BBS9: variants seen among roughly 807,000 people sequenced by gnomAD.
BBS9 encodes the protein Bardet-Biedl syndrome 9.
A neutral mutation model predicts 117.7 loss-of-function variants in BBS9; 89 were observed. The observed-to-expected ratio is 0.76, with a 90% CI of 0.64 to 0.90. BBS9 has a LOEUF of 0.90. Among genes scored for constraint, BBS9 ranks in the 40% least tolerant of loss-of-function variants. BBS9 has a pLI of 0.00. For missense variants in BBS9, 982 were observed against 1,042.2 expected, an observed-to-expected ratio of 0.94 and a Z score of 0.80; for synonymous variants, 379 against 370.9, an observed-to-expected ratio of 1.02 and a Z score of -0.25.
Position 33,273,973 on chromosome 7 carries a change from AAC to A in BBS9, c.1016+21_1016+22del. The A allele has an allele frequency of 6.2e-7, 1 of 1,613,226 alleles. No homozygotes were observed. Among genetic ancestry groups the A allele is most frequent in the Non-Finnish European group, 8.5e-7 (1 of 1,179,378 alleles). ...CTGTTTGCAGTAAGTGATTTAATTTAACACAGTTTTTAAAGAGGATGTTAGTC... is the reference window on the plus strand; with the variant it reads ...CTGTTTGCAGTAAGTGATTTAATTTAACAGTTTTTAAAGAGGATGTTAGTC... On this transcript the variant is annotated intron_variant, in intron 9 of 22. Coordinates refer to ENST00000242067, the MANE Select transcript of BBS9 (RefSeq NM_198428.3).
At chr7:33,280,867 A>G (rs935150841) in intron 9 of BBS9, among the ~76,000 whole-genome samples, 3 of 72,320 alleles carry the variant, frequency 4.1e-5, no homozygotes, top group South Asian at 7.8e-4. Flanking sequence ...CCAAAGTGAC[A>G]TTTTCTTTTT....
At chr7:33,347,893 G>A (rs906216289) in intron 12 of BBS9, among the ~76,000 whole-genome samples, 5 of 151,826 alleles carry the variant, frequency 3.3e-5, no homozygotes, top group South Asian at 2.1e-4. Flanking sequence ...CTGAACTGCC[G>A]TATAGAAAAG....
intron 21 of BBS9, among the ~76,000 whole-genome samples, chr7:33,571,780 A>G (rs1181999616): frequency 6.6e-6 from 1 of 152,060 alleles, no homozygotes; most frequent in Non-Finnish European, 1.5e-5. Context: ...CTCTTTTTCA[A>G]TATAAATGTT....
chr7:33,349,224 A>T (rs754451024), intron 13 of BBS9, 54 bp downstream of exon 13: 8 of 1,281,004 alleles, frequency 6.2e-6, no homozygotes, highest in Non-Finnish European at 9.1e-6. Flanking sequence ...TTTTAAAAAT[A>T]CTAGTTTGTT....
At position 33,184,571 on chromosome 7, in the gene BBS9, C is replaced by G. The variant is rs559063932; in HGVS notation, c.442+6980C>G. Reference sequence around the variant, plus strand: ...CTTTTTATTAAGAGGGTCATTTAACCCATTCTGTCTTAGGAGAGACTTTAA... The same window carrying G: ...CTTTTTATTAAGAGGGTCATTTAACGCATTCTGTCTTAGGAGAGACTTTAA... On this transcript the variant is annotated intron_variant, in intron 5 of 22. Coordinates refer to ENST00000242067, the MANE Select transcript of BBS9 (RefSeq NM_198428.3). Among the ~76,000 whole-genome samples, 5 of 152,228 alleles carry G rather than the reference C, an allele frequency of 3.3e-5. No homozygotes were observed. The East Asian group carries it at 5.8e-4, about 18-fold the overall frequency.
chr7:33,565,808 T>C (rs1318890604), intron 21 of BBS9, among the ~76,000 whole-genome samples: 2 of 45,522 alleles, frequency 4.4e-5, no homozygotes, highest in African/African-American at 2.1e-4. Context: ...TATATATATA[T>C]ATATATATAT....
At chr7:33,553,476 A>T (rs139721535) in intron 21 of BBS9, among the ~76,000 whole-genome samples, 6 of 152,010 alleles carry the variant, frequency 3.9e-5, no homozygotes, top group African/African-American at 1.4e-4. Flanking sequence ...TCTCCCTCCC[A>T]TTTCTAATCT....
intron 5 of BBS9, among the ~76,000 whole-genome samples, chr7:33,254,071 T>G (rs1293473808): frequency 6.6e-6 from 1 of 152,222 alleles, no homozygotes; most frequent in African/African-American, 2.4e-5. Flanking sequence ...TTGAGATATA[T>G]AGGGCTCATA....
intron 20 of BBS9, among the ~76,000 whole-genome samples, chr7:33,528,982 C>T (rs1400008166): frequency 6.6e-6 from 1 of 152,176 alleles, no homozygotes; most frequent in Non-Finnish European, 1.5e-5. Context: ...GCCTATTGAC[C>T]AGTGGAGACT....
At position 33,228,644 on chromosome 7, in the gene BBS9, A is replaced by G. The variant is rs138052141; in HGVS notation, c.443-28592A>G. On this transcript the variant is annotated intron_variant, in intron 5 of 22. Transcript: ENST00000242067. ...TTGATTAACACATATTTTCTATGTT[A>G]TTTGTGTTTTATATGGTATTCTTAC... is the stretch of plus-strand genomic sequence containing the variant. 3.5e-3 allele frequency among the ~76,000 whole-genome samples: 533 copies of G among 152,244 alleles called. 5 individuals are homozygous for G. Among genetic ancestry groups the G allele is most frequent in the African/African-American group, 0.012 (504 of 41,548 alleles).
chr7:33,257,142 G>A (rs1797201410), intron 5 of BBS9, 94 bp from the exon 6 acceptor site: 4 of 807,558 alleles, frequency 5.0e-6, no homozygotes, highest in South Asian at 2.2e-5. Context: ...TGTAAAATTG[G>A]TGCCTAAGAC....
rs1403557632 is a variant in BBS9 at position 33,413,107 on chromosome 7, A to G, written c.2115+24963A>G. 2.0e-5 allele frequency among the ~76,000 whole-genome samples: 3 copies of G among 152,346 alleles called. No homozygotes were observed. The East Asian group carries it at 5.8e-4, about 29-fold the overall frequency. ...AACACTGGGTAATGAGTTAGATGGT[A>G]GTTCTGATAGCCTTCAATCAAGAAC... On this transcript the variant is annotated intron_variant, in intron 19 of 22. Coordinates refer to ENST00000242067, the MANE Select transcript of BBS9 (RefSeq NM_198428.3).
chr7:33,154,198 T>C (rs1793765130), intron 3 of BBS9, among the ~76,000 whole-genome samples: 1 of 152,242 alleles, frequency 6.6e-6, no homozygotes, highest in Non-Finnish European at 1.5e-5. Flanking sequence ...TAGTCATGTA[T>C]ATTTGCATTT....
At chr7:33,559,346 G>A (rs1219444298) in intron 21 of BBS9, among the ~76,000 whole-genome samples, 1 of 151,976 alleles carries the variant, frequency 6.6e-6, no homozygotes, top group Admixed American at 6.6e-5. Context: ...GGTGTCTTGG[G>A]GGTACAAGTG....
At chr7:33,304,837 C>T (rs1337789657) in intron 9 of BBS9, among the ~76,000 whole-genome samples, 3 of 152,124 alleles carry the variant, frequency 2.0e-5, no homozygotes, top group Admixed American at 2.0e-4. Context: ...ACCTTACCCC[C>T]AACCCCGTGC....
intron 9 of BBS9, among the ~76,000 whole-genome samples, chr7:33,318,731 C>G (rs571673027): frequency 5.7e-4 from 86 of 152,202 alleles, no homozygotes; most frequent in Non-Finnish European, 1.1e-3. Context: ...CCCTCACCCC[C>G]CTTCCTCTCC....
intron 2 of BBS9, among the ~76,000 whole-genome samples, chr7:33,149,484 C>T (rs1036603530): frequency 3.3e-5 from 5 of 152,138 alleles, no homozygotes; most frequent in African/African-American, 9.7e-5. Context: ...TGAAATTGAA[C>T]ACCCCATGCA....
At chr7:33,597,689 G>A (rs1863081178) in intron 21 of BBS9, among the ~76,000 whole-genome samples, 1 of 151,644 alleles carries the variant, frequency 6.6e-6, no homozygotes, top group Non-Finnish European at 1.5e-5. Flanking sequence ...AAAAAAAAAT[G>A]TGTTATTGAG....
intron 21 of BBS9, among the ~76,000 whole-genome samples, chr7:33,614,777 T>C (rs1212737584): frequency 6.6e-6 from 1 of 152,120 alleles, no homozygotes; most frequent in South Asian, 2.1e-4. Context: ...AGCTTGACCA[T>C]GTTCTGAAGT....
Sources: allele counts gnomAD v4.1 joint callset (sites outside exome capture counted in the v4.1 genomes callset), GRCh38; gene constraint gnomAD v4.1.1; transcripts MANE v1.5; gene names NCBI Gene and HGNC (gene_info 2026-07-23, HGNC 2026-07-21).